Variants in GIPC2 observed in about 807,000 individuals in gnomAD.
GIPC2 encodes PDZ domain-containing protein GIPC2.
Under a neutral mutation model 30.6 loss-of-function variants are expected in GIPC2, and 30 were observed. The ratio of observed to expected loss-of-function variants is 0.98; its 90% CI spans 0.73 to 1.33. The LOEUF (loss-of-function observed/expected upper bound fraction) is 1.33, where lower values mean the gene tolerates loss of function less well. GIPC2 is among the 40% of genes most tolerant of loss of function. GIPC2 has a pLI of 0.00. For missense variants in GIPC2, 414 were observed against 390.3 expected (o/e 1.06, Z -0.51); for synonymous variants, 167 against 150.0 (o/e 1.11, Z -0.83).
At chr1:78,053,828 G>A (rs1015750908) in intron 1 of GIPC2, among the ~76,000 whole-genome samples, 1 of 151,618 alleles carries the variant, frequency 6.6e-6, no homozygotes, top group African/African-American at 2.4e-5. Context: ...TATTCAGGAG[G>A]CTGAGGTGGG....
intron 4 of GIPC2, among the ~76,000 whole-genome samples, chr1:78,120,279 T>A (rs1436413100): frequency 2.0e-5 from 3 of 152,226 alleles, no homozygotes; most frequent in Non-Finnish European, 4.4e-5. Context: ...GCTTCAGTCA[T>A]GCTGATCTCC....
rs762158739 is a variant in GIPC2, at chr1:78,125,980, A to T, written c.796+18A>T. On this transcript the variant is annotated intron_variant, in intron 5 of 5. Coordinates refer to ENST00000370759, the MANE Select transcript of GIPC2 (RefSeq NM_017655.6). ...TGATTTAGGTAAGATTATACTATTTAAAAAAGTCTTATATCTCTTAATCTG... is the reference window on the plus strand; with the variant it reads ...TGATTTAGGTAAGATTATACTATTTTAAAAAGTCTTATATCTCTTAATCTG... 1.7e-6 allele frequency: 2 copies of T among 1,183,124 alleles called. No homozygotes were observed. Among genetic ancestry groups the T allele is most frequent in the South Asian group, 1.2e-5 (1 of 80,856 alleles). 73.3% of individuals were successfully genotyped at this position (1,183,124 alleles called of 1,614,324 possible).
At chr1:78,078,187 CAAAA>C (rs10694093) in intron 1 of GIPC2, among the ~76,000 whole-genome samples, 3 of 65,108 alleles carry the variant, frequency 4.6e-5, no homozygotes, top group African/African-American at 6.7e-5. Flanking sequence ...GACTCCATCT[CAAAA>C]AAAAAAAAAA....
chr1:78,123,493 G>T (rs1017157964), intron 4 of GIPC2, among the ~76,000 whole-genome samples: 29 of 152,060 alleles, frequency 1.9e-4, no homozygotes, highest in South Asian at 8.3e-4. Context: ...GGATAATGAG[G>T]GAGCCATTTA....
chr1:78,128,796 A>G (rs1220920536), intron 5 of GIPC2, among the ~76,000 whole-genome samples: 1 of 152,110 alleles, frequency 6.6e-6, no homozygotes, highest in Non-Finnish European at 1.5e-5. Flanking sequence ...AGCCTGGGCA[A>G]CATAGTGAGA....
At chr1:78,068,835 G>T (rs1198331289) in intron 1 of GIPC2, among the ~76,000 whole-genome samples, 1 of 152,102 alleles carries the variant, frequency 6.6e-6, no homozygotes, top group Non-Finnish European at 1.5e-5. Flanking sequence ...AGGTAGCAAG[G>T]GCTCAGTGTC....
At chr1:78,115,477 C>T (rs1198680519) in intron 3 of GIPC2, among the ~76,000 whole-genome samples, 1 of 152,164 alleles carries the variant, frequency 6.6e-6, no homozygotes, top group Non-Finnish European at 1.5e-5. Flanking sequence ...CTATCTTCAC[C>T]ACTTTAGGGA....
At chr1:78,058,015 A>G (rs188905056) in intron 1 of GIPC2, among the ~76,000 whole-genome samples, 1 of 152,352 alleles carries the variant, frequency 6.6e-6, no homozygotes, top group East Asian at 1.9e-4. Context: ...CAAGAGGAAA[A>G]CATAAGTATG....
At chr1:78,118,182 C>G (rs1662605751) in intron 3 of GIPC2, among the ~76,000 whole-genome samples, 1 of 149,988 alleles carries the variant, frequency 6.7e-6, no homozygotes, top group Non-Finnish European at 1.5e-5. Flanking sequence ...TTTGGTCTCT[C>G]AAAGTGCTGA....
At chr1:78,061,497 G>GT (rs200656816) in intron 1 of GIPC2, among the ~76,000 whole-genome samples, 51 of 147,046 alleles carry the variant, frequency 3.5e-4, no homozygotes, top group East Asian at 1.4e-3. Context: ...TTTTTTGTTT[G>GT]TTTTTTTTTT....
chr1:78,109,938 C>T (rs910294803), intron 3 of GIPC2, among the ~76,000 whole-genome samples: 1 of 148,834 alleles, frequency 6.7e-6, no homozygotes, highest in Non-Finnish European at 1.5e-5. Context: ...GTCGCAAGGA[C>T]AAAACACCAA....
chr1:78,096,926 T>A (rs2100382098), intron 3 of GIPC2, among the ~76,000 whole-genome samples: 1 of 152,336 alleles, frequency 6.6e-6, no homozygotes, highest in Admixed American at 6.5e-5. Context: ...ATGCATTTTC[T>A]GTGCTGTGGA....
At chr1:78,045,660 C>T, upstream of GIPC2, 1 of 985,468 alleles carries the variant, frequency 1.0e-6, no homozygotes, top group Non-Finnish European at 1.2e-6. Flanking sequence ...TCCCTATCCC[C>T]GAAAGTCCAG....
At chr1:78,077,186 T>G (rs746849186) in intron 1 of GIPC2, among the ~76,000 whole-genome samples, 30 of 152,174 alleles carry the variant, frequency 2.0e-4, no homozygotes, top group Admixed American at 1.1e-3. Context: ...TGAGACAAGA[T>G]GTAAGGGTAA....
intron 5 of GIPC2, among the ~76,000 whole-genome samples, chr1:78,130,168 A>G (rs937747621): frequency 1.3e-5 from 2 of 150,572 alleles, no homozygotes; most frequent in East Asian, 2.0e-4. Flanking sequence ...CAGTGGCACA[A>G]TCTCGCTCAC....
chr1:78,091,510 A>G, intron 2 of GIPC2: 1 of 728,032 alleles, frequency 1.4e-6, no homozygotes. Context: ...TGGCTCCCAA[A>G]GGCAGCTCCA....
intron 1 of GIPC2, among the ~76,000 whole-genome samples, chr1:78,077,121 AC>A (rs1336084609): frequency 6.6e-6 from 1 of 152,012 alleles, no homozygotes; most frequent in Non-Finnish European, 1.5e-5. Context: ...CAATGTTGTA[AC>A]CACTAGCCGA....
intron 1 of GIPC2, among the ~76,000 whole-genome samples, chr1:78,075,049 C>T (rs4245660): frequency 0.52 from 78,576 of 151,994 alleles, 21,486 homozygotes; most frequent in South Asian, 0.63. Context: ...TATTGACTCA[C>T]GTAACTAAAC....
intron 2 of GIPC2, among the ~76,000 whole-genome samples, chr1:78,089,766 T>C (rs1662002921): frequency 6.6e-6 from 1 of 152,254 alleles, no homozygotes; most frequent in Non-Finnish European, 1.5e-5. Context: ...ATTAAGAGCA[T>C]ACTTATAACA....
Sources: allele counts gnomAD v4.1 joint callset (sites outside exome capture counted in the v4.1 genomes callset), GRCh38; gene constraint gnomAD v4.1.1; transcripts MANE v1.5; gene names NCBI Gene and HGNC (gene_info 2026-07-23, HGNC 2026-07-21).